MYL12B: variants seen among roughly 807,000 people sequenced by gnomAD.
The protein encoded by MYL12B is myosin regulatory light chain 12B.
A neutral mutation model predicts 12.9 loss-of-function variants in MYL12B; 3 were observed. The ratio of observed to expected loss-of-function variants is 0.23; its 90% CI spans 0.11 to 0.60. MYL12B has a LOEUF of 0.60. MYL12B is among the 20% of genes least tolerant of loss of function. The pLI is 0.89. For synonymous variants in MYL12B, 57 were observed against 71.9 expected (o/e 0.79, Z 1.05); for missense variants, 120 against 215.4 (o/e 0.56, Z 2.77).
At chr18:3,271,716 G>A (rs2081680701) in intron 1 of MYL12B, among the ~76,000 whole-genome samples, 1 of 152,138 alleles carries the variant, frequency 6.6e-6, no homozygotes, top group South Asian at 2.1e-4. Context: ...CGGTGGAGCT[G>A]AGATTTGAAC....
At chr18:3,277,112 T>A (rs1378134793) in intron 2 of MYL12B, 141 bp from the exon 3 acceptor site, 22 of 1,247,710 alleles carry the variant, frequency 1.8e-5, no homozygotes, top group East Asian at 1.2e-4. Flanking sequence ...ATAATCTTTT[T>A]AAAATGTTCT....
chr18:3,275,884 A>G (rs939618232), intron 2 of MYL12B, among the ~76,000 whole-genome samples: 9 of 152,282 alleles, frequency 5.9e-5, no homozygotes, highest in South Asian at 4.1e-4. Flanking sequence ...TTTTGGGCTA[A>G]TTTTGATATT....
At chr18:3,273,834 C>T (rs896149318) in intron 2 of MYL12B, among the ~76,000 whole-genome samples, 1 of 127,484 alleles carries the variant, frequency 7.8e-6, no homozygotes, top group Non-Finnish European at 1.6e-5. Flanking sequence ...GCCAAAAAGG[C>T]AAAGAAAGAG....
At chr18:3,272,196 T>C (rs2081684742) in intron 1 of MYL12B, 1 of 823,264 alleles carries the variant, frequency 1.2e-6, no homozygotes. Context: ...TTTTTACATA[T>C]GTTATCTCAA....
Position 3,273,092 on chromosome 18 carries a change from A to G in MYL12B, c.184+10A>G, listed in dbSNP as rs2081695330. 6.4e-7 allele frequency: 1 copy of G among 1,557,040 alleles called. No individual in the cohort carries two copies. The highest frequency in any genetic ancestry group is 1.4e-5 in the African/African-American group (1 of 72,624). On this transcript the variant is annotated intron_variant, in intron 2 of 3. Coordinates refer to ENST00000237500, the MANE Select transcript of MYL12B (RefSeq NM_033546.4). ...ATGCTTGCTTCTCTAGGTAGACTTT[A>G]TATTCTTTATTTGTATTTTCCCTAA...
At chr18:3,275,817 G>A (rs2081725914) in intron 2 of MYL12B, among the ~76,000 whole-genome samples, 1 of 151,746 alleles carries the variant, frequency 6.6e-6, no homozygotes, top group African/African-American at 2.4e-5. Flanking sequence ...TAAATCTGGA[G>A]GTAGAAAAGT....
At chr18:3,266,447 G>A (rs1204034723) in intron 1 of MYL12B, among the ~76,000 whole-genome samples, 1 of 27,138 alleles carries the variant, frequency 3.7e-5, no homozygotes, top group Admixed American at 3.4e-4. Flanking sequence ...CTGGTTACAC[G>A]GGTCAACACT....
At chr18:3,274,544 A>G (rs1040869267) in intron 2 of MYL12B, among the ~76,000 whole-genome samples, 3 of 152,234 alleles carry the variant, frequency 2.0e-5, no homozygotes, top group African/African-American at 7.2e-5. Flanking sequence ...AAAAAGGGAA[A>G]TGACGTACAG....
intron 1 of MYL12B, among the ~76,000 whole-genome samples, chr18:3,267,974 G>A (rs1192072995): frequency 6.6e-6 from 1 of 152,042 alleles, no homozygotes; most frequent in Non-Finnish European, 1.5e-5. Context: ...TATATAAATA[G>A]TTGTTATAGT....
At chr18:3,262,628 C>T (rs2081602367) in intron 1 of MYL12B, 1 of 152,474 alleles carries the variant, frequency 6.6e-6, no homozygotes. Flanking sequence ...CTCCCGGCGC[C>T]GCGGCGGGTC....
chr18:3,273,475 G>A (rs990485117), intron 2 of MYL12B, among the ~76,000 whole-genome samples: 1 of 152,018 alleles, frequency 6.6e-6, no homozygotes, highest in Non-Finnish European at 1.5e-5. Context: ...TGGGAAGGAG[G>A]GGCAGTGCGA....
chr18:3,264,294 A>T (rs76366406), intron 1 of MYL12B, among the ~76,000 whole-genome samples: 3 of 152,308 alleles, frequency 2.0e-5, no homozygotes, highest in East Asian at 3.9e-4. Flanking sequence ...TATACTATAC[A>T]TATATTTATA....
chr18:3,277,735 G>A, intron 3 of MYL12B, 30 bp from the exon 4 acceptor site: 1 of 1,590,944 alleles, frequency 6.3e-7, no homozygotes, highest in Non-Finnish European at 8.5e-7. Flanking sequence ...AAGTATTGAT[G>A]ACTGCTTTCT....
In MYL12B at chr18:3,272,890, A is replaced by G; in HGVS notation, c.-9A>G. 2 of 1,573,512 alleles carry G rather than the reference A, an allele frequency of 1.3e-6. No homozygotes were observed. Among genetic ancestry groups the G allele is most frequent in the Non-Finnish European group, 1.7e-6 (2 of 1,163,990 alleles). On this transcript the variant is annotated 5_prime_UTR_variant, in exon 2 of 4. Transcript: ENST00000237500. ...TGTTTTTTTTTTAATCCAGAATTAA[A>G]CAACCACCATGTCGAGCAAAAAGGC... is the stretch of plus-strand genomic sequence containing the variant.
intron 1 of MYL12B, among the ~76,000 whole-genome samples, chr18:3,267,921 A>G (rs1436945644): frequency 2.0e-5 from 3 of 152,238 alleles, no homozygotes; most frequent in Admixed American, 2.0e-4. Flanking sequence ...AATACTTTAA[A>G]TCATCTCTAG....
In MYL12B at chr18:3,270,461, A is replaced by G. The variant is rs543208476; in HGVS notation, c.-15-2423A>G. Reference sequence around the variant, plus strand: ...CTGTTTCCTTCTCTTGGGTGTCACCATCAGATGGTGATGGCTCTTCTAGTT... The same window carrying G: ...CTGTTTCCTTCTCTTGGGTGTCACCGTCAGATGGTGATGGCTCTTCTAGTT... On this transcript the variant is annotated intron_variant, in intron 1 of 3. Transcript: ENST00000237500. Among the ~76,000 whole-genome samples the G allele has an allele frequency of 1.4e-4, 22 of 152,240 alleles. No individual in the cohort carries two copies. The South Asian group carries it at 4.4e-3, about 30-fold the overall frequency.
At chr18:3,273,783 A>AC (rs2081703278) in intron 2 of MYL12B, among the ~76,000 whole-genome samples, 1 of 151,826 alleles carries the variant, frequency 6.6e-6, no homozygotes, top group Non-Finnish European at 1.5e-5. Context: ...GGGATGGCCT[A>AC]CAGTGAGACT....
chr18:3,271,678 G>A (rs1195991485), intron 1 of MYL12B, among the ~76,000 whole-genome samples: 3 of 152,076 alleles, frequency 2.0e-5, no homozygotes, highest in African/African-American at 4.8e-5. Flanking sequence ...AGATACATAG[G>A]TTTTCAGAGG....
chr18:3,276,445 A>G, intron 2 of MYL12B: 1 of 984,916 alleles, frequency 1.0e-6, no homozygotes, highest in Non-Finnish European at 1.2e-6. Flanking sequence ...CCACTGCACT[A>G]AAAGAAGTGT....
Sources: allele counts gnomAD v4.1 joint callset (sites outside exome capture counted in the v4.1 genomes callset), GRCh38; gene constraint gnomAD v4.1.1; transcripts MANE v1.5; gene names NCBI Gene and HGNC (gene_info 2026-07-23, HGNC 2026-07-21).